PCP4: variants seen among roughly 807,000 people sequenced by gnomAD.
The protein encoded by PCP4 is calmodulin regulator protein PCP4.
A neutral mutation model predicts 10.0 loss-of-function variants in PCP4; 8 were observed. The observed-to-expected ratio is 0.80, with a 90% CI of 0.47 to 1.45. The LOEUF (loss-of-function observed/expected upper bound fraction) is 1.45, where lower values mean the gene tolerates loss of function less well. Ranked by LOEUF, PCP4 falls within the 40% of genes most tolerant of loss-of-function variation. The pLI, the probability that PCP4 is intolerant of heterozygous loss-of-function variation, is 0.00. For synonymous variants in PCP4, 21 were observed against 23.0 expected (o/e 0.91, Z 0.24); for missense variants, 54 against 74.4 (o/e 0.73, Z 1.01).
At chr21:39,871,578 G>C (rs1373061002) in intron 1 of PCP4, among the ~76,000 whole-genome samples, 1 of 152,198 alleles carries the variant, frequency 6.6e-6, no homozygotes, top group African/African-American at 2.4e-5. Flanking sequence ...ATCAGTTTTA[G>C]TTTCGTTGGA....
intron 1 of PCP4, among the ~76,000 whole-genome samples, chr21:39,871,717 T>C (rs1243034650): frequency 6.6e-6 from 1 of 152,220 alleles, no homozygotes; most frequent in African/African-American, 2.4e-5. Context: ...GGAATATGTG[T>C]TTCCCAGGGC....
At chr21:39,889,144 A>G (rs2087416025) in intron 1 of PCP4, among the ~76,000 whole-genome samples, 1 of 152,160 alleles carries the variant, frequency 6.6e-6, no homozygotes, top group South Asian at 2.1e-4. Flanking sequence ...ATCTGGCAGC[A>G]TGAGGATGCT....
At chr21:39,903,965 G>A (rs2837285) in intron 2 of PCP4, among the ~76,000 whole-genome samples, 20,206 of 151,280 alleles carry the variant, frequency 0.13, 1,543 homozygotes, top group Middle Eastern at 0.24. Flanking sequence ...AATGTACTGG[G>A]TACTTTCCTC....
intron 1 of PCP4, among the ~76,000 whole-genome samples, chr21:39,888,295 T>C (rs1449949588): frequency 6.6e-6 from 1 of 152,190 alleles, no homozygotes; most frequent in East Asian, 1.9e-4. Flanking sequence ...CCAACAGAAG[T>C]CAGACGTTGG....
At chr21:39,922,017 C>T (rs2087598940) in intron 2 of PCP4, among the ~76,000 whole-genome samples, 1 of 152,014 alleles carries the variant, frequency 6.6e-6, no homozygotes, top group South Asian at 2.1e-4. Context: ...ATGACAATAC[C>T]AGAGACTTAA....
chr21:39,913,317 T>C (rs1030230185), intron 2 of PCP4, among the ~76,000 whole-genome samples: 3 of 152,192 alleles, frequency 2.0e-5, no homozygotes, highest in African/African-American at 7.2e-5. Context: ...TGAGGGGCTG[T>C]GGCTGTGGAT....
At chr21:39,925,529 C>T (rs2087616500) in intron 2 of PCP4, among the ~76,000 whole-genome samples, 1 of 152,162 alleles carries the variant, frequency 6.6e-6, no homozygotes, top group African/African-American at 2.4e-5. Flanking sequence ...CGTAGAAGAC[C>T]GAGGACAAAC....
In PCP4 at chr21:39,906,282, TG is replaced by T. The variant is rs1248351590; in HGVS notation, c.61+7757del. ...GGGTCTTGTTTGTAAATGGGCAACT[TG>T]GATGGGCTGTGGTCTAAGCCCCTGG... On this transcript the variant is annotated intron_variant, in intron 2 of 2. Transcript: ENST00000328619. This position sits in a 1 kb window ranked among gnomAD's most constrained non-coding sequence, Gnocchi z 6.3. 2.6e-5 allele frequency among the ~76,000 whole-genome samples: 4 copies of T among 152,334 alleles called. No homozygotes were observed. Among genetic ancestry groups the T allele is most frequent in the Non-Finnish European group, 4.4e-5 (3 of 68,042 alleles).
At chr21:39,917,324 T>A (rs2087573833) in intron 2 of PCP4, among the ~76,000 whole-genome samples, 1 of 152,254 alleles carries the variant, frequency 6.6e-6, no homozygotes, top group South Asian at 2.1e-4. Context: ...GAAGGTGGGA[T>A]CTTCCTGTGG....
chr21:39,898,818 G>T (rs1339729227), intron 2 of PCP4, among the ~76,000 whole-genome samples: 1 of 152,118 alleles, frequency 6.6e-6, no homozygotes, highest in African/African-American at 2.4e-5. Flanking sequence ...CATTAGGGTG[G>T]GTGAGAATCA....
At chr21:39,881,819 G>A (rs1043902279) in intron 1 of PCP4, among the ~76,000 whole-genome samples, 16 of 152,126 alleles carry the variant, frequency 1.1e-4, no homozygotes, top group African/African-American at 2.4e-4. Flanking sequence ...CAGGTTTTCC[G>A]TCTTCCAAGC....
chr21:39,867,578 C>T, intron 1 of PCP4, 68 bp downstream of exon 1: 1 of 1,482,314 alleles, frequency 6.7e-7, no homozygotes, highest in South Asian at 1.1e-5. Flanking sequence ...AAGGATTAGT[C>T]TCAGGAAATG....
intron 2 of PCP4, among the ~76,000 whole-genome samples, chr21:39,903,876 CAAAAAAA>C (rs67572508): frequency 1.0e-5 from 1 of 95,542 alleles, no homozygotes; most frequent in African/African-American, 3.9e-5. Context: ...TCAAAAAAAA[CAAAAAAA>C]AAAAAAAAAA....
chr21:39,908,828 T>C (rs1262869064), intron 2 of PCP4, among the ~76,000 whole-genome samples: 2 of 152,174 alleles, frequency 1.3e-5, no homozygotes, highest in African/African-American at 4.8e-5. Context: ...CCTCCACCCC[T>C]GTGGAGAGGC....
At chr21:39,872,134 G>A (rs952704662) in intron 1 of PCP4, among the ~76,000 whole-genome samples, 1 of 152,198 alleles carries the variant, frequency 6.6e-6, no homozygotes, top group East Asian at 1.9e-4. Context: ...GAGTAGCTGG[G>A]ACTATAGGCT....
chr21:39,889,696 G>T (rs1003616390), intron 1 of PCP4, among the ~76,000 whole-genome samples: 1 of 152,062 alleles, frequency 6.6e-6, no homozygotes, highest in South Asian at 2.1e-4. Context: ...GATTACAGGC[G>T]TGAGCCACCG....
At chr21:39,873,195 A>G (rs927652118) in intron 1 of PCP4, among the ~76,000 whole-genome samples, 2 of 152,158 alleles carry the variant, frequency 1.3e-5, no homozygotes, top group African/African-American at 2.4e-5. Context: ...ATTGAAACAG[A>G]AAACCAATTT....
intron 1 of PCP4, among the ~76,000 whole-genome samples, chr21:39,872,542 TTTATG>T (rs2087325548): frequency 1.3e-5 from 2 of 152,118 alleles, no homozygotes; most frequent in African/African-American, 2.4e-5. Context: ...TGCATACAGG[TTTATG>T]TTATATTTAA....
chr21:39,919,231 A>G (rs1568861585), intron 2 of PCP4, among the ~76,000 whole-genome samples: 2 of 152,186 alleles, frequency 1.3e-5, no homozygotes, highest in Non-Finnish European at 2.9e-5. Flanking sequence ...AGGGGATCCC[A>G]GCTAAGAGGG....
Sources: allele counts gnomAD v4.1 joint callset (sites outside exome capture counted in the v4.1 genomes callset), GRCh38; gene constraint gnomAD v4.1.1; non-coding constraint Gnocchi (gnomAD v3.1); transcripts MANE v1.5; gene names NCBI Gene and HGNC (gene_info 2026-07-23, HGNC 2026-07-21).